NRXN3: variants seen among roughly 807,000 people sequenced by gnomAD.
NRXN3 encodes neurexin 3.
Under a neutral mutation model 137.6 loss-of-function variants are expected in NRXN3, and 32 were observed. The ratio of observed to expected loss-of-function variants is 0.23; its 90% CI spans 0.18 to 0.31. The LOEUF is 0.31. NRXN3 is among the 10% of genes least tolerant of loss of function. NRXN3 has a pLI of 1.00. For missense variants in NRXN3, 1,574 were observed against 2,062.5 expected, an observed-to-expected ratio of 0.76 and a Z score of 4.59; for synonymous variants, 798 against 784.5, an observed-to-expected ratio of 1.02 and a Z score of -0.29.
At chr14:78,384,903 GATCTTGATTCAGC>G (rs1334871170) in intron 4 of NRXN3, among the ~76,000 whole-genome samples, 7 of 152,098 alleles carry the variant, frequency 4.6e-5, no homozygotes, top group Admixed American at 4.6e-4. Flanking sequence ...TAAGACGTTG[GATCTTGATTCAGC>G]ATGTAGCTAA....
chr14:78,460,182 G>A (rs2094879987), intron 4 of NRXN3, among the ~76,000 whole-genome samples: 1 of 152,198 alleles, frequency 6.6e-6, no homozygotes, highest in Admixed American at 6.5e-5. Context: ...GCGCTTCCAT[G>A]CCCTCTCCAG....
chr14:79,485,597 T>C (rs2096648647), intron 16 of NRXN3, among the ~76,000 whole-genome samples: 1 of 152,190 alleles, frequency 6.6e-6, no homozygotes, highest in African/African-American at 2.4e-5. Flanking sequence ...TTTGTGTGTG[T>C]GCGTGCCTAT....
At chr14:79,055,252 A>C (rs1320043925) in intron 15 of NRXN3, among the ~76,000 whole-genome samples, 1 of 152,198 alleles carries the variant, frequency 6.6e-6, no homozygotes, top group Non-Finnish European at 1.5e-5. Flanking sequence ...TGGTAATAGT[A>C]TACTCCATTA....
intron 17 of NRXN3, among the ~76,000 whole-genome samples, chr14:79,674,407 G>C (rs1330919525): frequency 6.6e-6 from 1 of 151,992 alleles, no homozygotes; most frequent in African/African-American, 2.4e-5. Context: ...TTTACTTAGT[G>C]TCATCTCCCC....
chr14:79,440,877 T>C (rs1353830887), intron 15 of NRXN3, among the ~76,000 whole-genome samples: 1 of 152,190 alleles, frequency 6.6e-6, no homozygotes, highest in Non-Finnish European at 1.5e-5. Context: ...TCTTTATTAA[T>C]AGATATATGA....
At chr14:78,878,968 G>A (rs1223426724) in intron 10 of NRXN3, among the ~76,000 whole-genome samples, 1 of 151,966 alleles carries the variant, frequency 6.6e-6, no homozygotes, top group Admixed American at 6.6e-5. Context: ...GTCTTCCTGA[G>A]CATGGCTTAT....
intron 4 of NRXN3, among the ~76,000 whole-genome samples, chr14:78,378,413 A>G (rs1383434272): frequency 1.3e-5 from 2 of 150,648 alleles, no homozygotes; most frequent in African/African-American, 4.9e-5. Context: ...TGAACCCGGG[A>G]CGTGGATGTT....
At position 79,711,619 on chromosome 14, in the gene NRXN3, T is replaced by C. The variant is rs142709175; in HGVS notation, c.4014+13682T>C. ...GAGCCACTGTGGTTGGCCTAAGTAA[T>C]ACAGCCACACAATTTAAAACCTTGA... On this transcript the variant is annotated intron_variant, in intron 19 of 20. Transcript: ENST00000335750. Among the ~76,000 whole-genome samples the C allele has an allele frequency of 4.3e-3, 650 of 152,298 alleles. 18 individuals are homozygous for C. In the East Asian group the frequency reaches 0.063, roughly 15 times the overall value.
chr14:79,280,522 C>A (rs773319198), intron 15 of NRXN3: 14 of 1,612,138 alleles, frequency 8.7e-6, no homozygotes, highest in South Asian at 1.1e-5. Context: ...CCCCTGTTTC[C>A]CTTCGAGGAG....
At chr14:79,777,186 A>G (rs933270492) in intron 19 of NRXN3, among the ~76,000 whole-genome samples, 1 of 152,240 alleles carries the variant, frequency 6.6e-6, no homozygotes, top group Non-Finnish European at 1.5e-5. Flanking sequence ...TAACCAGATA[A>G]AAGATGCAAA....
At chr14:79,257,415 ATGGTGGTGATGG>A (rs2076792130) in intron 15 of NRXN3, among the ~76,000 whole-genome samples, 1 of 28,764 alleles carries the variant, frequency 3.5e-5, no homozygotes. Flanking sequence ...GGTGGTGGTG[ATGGTGGTGATGG>A]TGGTGGTGGT....
At chr14:79,030,635 C>CTTTTTTTTTTTTTTTTTTTTTTTT in intron 15 of NRXN3, among the ~76,000 whole-genome samples, 2 of 54,236 alleles carry the variant, frequency 3.7e-5, no homozygotes, top group East Asian at 1.1e-3. Flanking sequence ...TTCTCTGTGT[C>CTTTTTTTTTTTTTTTTTTTTTTTT]TTTTTTTTTT....
At position 79,868,159 on chromosome 14, in the gene NRXN3, A is replaced by T. The variant is rs901795754; in HGVS notation, c.*6195A>T. 1 of 152,230 alleles carries T rather than the reference A, an allele frequency of 6.6e-6. No individual in the cohort carries two copies. The highest frequency in any genetic ancestry group is 1.5e-5 in the Non-Finnish European group (1 of 68,044). 9.4% of individuals were successfully genotyped at this position (152,230 alleles called of 1,614,324 possible). On this transcript the variant is annotated 3_prime_UTR_variant, in exon 21 of 21. Coordinates refer to ENST00000335750, the MANE Select transcript of NRXN3 (RefSeq NM_001330195.2). Reference sequence around the variant, plus strand: ...CTTAACATATGTGTGACAAATAATTATCCTTAAATAAATGTTGGTCGTTAT... The same window carrying T: ...CTTAACATATGTGTGACAAATAATTTTCCTTAAATAAATGTTGGTCGTTAT...
chr14:79,589,061 C>A (rs2097782772), intron 16 of NRXN3, among the ~76,000 whole-genome samples: 1 of 152,038 alleles, frequency 6.6e-6, no homozygotes, highest in African/African-American at 2.4e-5. Context: ...TCGAGACTAG[C>A]CTGGGCAACA....
intron 15 of NRXN3, among the ~76,000 whole-genome samples, chr14:79,369,402 A>C (rs1276676413): frequency 6.6e-6 from 1 of 152,346 alleles, no homozygotes; most frequent in Non-Finnish European, 1.5e-5. Context: ...AACTTGGCCA[A>C]GTCCATAAAA....
chr14:79,733,257 C>T (rs2098930361), intron 19 of NRXN3, among the ~76,000 whole-genome samples: 1 of 152,074 alleles, frequency 6.6e-6, no homozygotes, highest in Non-Finnish European at 1.5e-5. Flanking sequence ...AAGAATTGCA[C>T]AGTAAAAAAT....
chr14:79,299,910 C>T (rs1199506254), intron 15 of NRXN3, among the ~76,000 whole-genome samples: 1 of 152,076 alleles, frequency 6.6e-6, no homozygotes, highest in African/African-American at 2.4e-5. Flanking sequence ...GATATTTGAG[C>T]ATCCATTCAG....
rs1359874142 is a variant in NRXN3 at position 79,483,503 on chromosome 14, TTAA to T, written c.3444+16102_3444+16104del. ...TGAGGTGTTTGGTATAAACAGTATA[TTAA>T]CAAAGAATTCTCCTATGGTATAAAC... is the stretch of plus-strand genomic sequence containing the variant. On this transcript the variant is annotated intron_variant, in intron 16 of 20. Transcript: ENST00000335750. 7.9e-5 allele frequency among the ~76,000 whole-genome samples: 12 copies of T among 152,168 alleles called. 1 individual carries two copies. The highest frequency in any genetic ancestry group is 5.2e-4 in the Admixed American group (8 of 15,262).
intron 16 of NRXN3, among the ~76,000 whole-genome samples, chr14:79,579,554 G>A (rs777878032): frequency 1.3e-5 from 2 of 151,554 alleles, no homozygotes; most frequent in African/African-American, 2.4e-5. Context: ...TTAAATAATC[G>A]GTAATAGAAG....
Sources: allele counts gnomAD v4.1 joint callset (sites outside exome capture counted in the v4.1 genomes callset), GRCh38; gene constraint gnomAD v4.1.1; transcripts MANE v1.5; gene names NCBI Gene and HGNC (gene_info 2026-07-23, HGNC 2026-07-21).